Variants in APPBP2 observed in about 807,000 individuals in gnomAD.
APPBP2 encodes amyloid protein-binding protein 2.
APPBP2 carries 15 observed loss-of-function variants against 76.0 expected under a neutral mutation model. The ratio of observed to expected loss-of-function variants is 0.20; its 90% CI spans 0.13 to 0.30. APPBP2 has a LOEUF of 0.30. Among genes scored for constraint, APPBP2 ranks in the 10% least tolerant of loss-of-function variants. The probability of loss-of-function intolerance (pLI) is 1.00; values close to 1 mark genes in which losing one functional copy is unlikely to be tolerated. For missense variants in APPBP2, 401 were observed against 687.2 expected (o/e 0.58, Z 4.66); for synonymous variants, 222 against 242.2 (o/e 0.92, Z 0.77).
intron 1 of APPBP2, among the ~76,000 whole-genome samples, chr17:60,523,122 T>C (rs190879897): frequency 1.3e-5 from 2 of 152,122 alleles, no homozygotes; most frequent in African/African-American, 4.8e-5. Context: ...CTATGCCTAC[T>C]GATGGAAATT....
intron 9 of APPBP2, among the ~76,000 whole-genome samples, chr17:60,457,237 T>C (rs896455224): frequency 6.6e-6 from 1 of 152,180 alleles, no homozygotes; most frequent in East Asian, 1.9e-4. Flanking sequence ...ATGGCCCATA[T>C]CACCAAATAG....
At chr17:60,490,775 T>G (rs1221699588) in intron 3 of APPBP2, among the ~76,000 whole-genome samples, 2 of 152,160 alleles carry the variant, frequency 1.3e-5, no homozygotes, top group East Asian at 1.9e-4. Flanking sequence ...TCTCACGAGA[T>G]CTGATGGTTT....
rs7215536 is a variant in APPBP2, at chr17:60,461,584, T to G, written c.936+226A>C. The G allele has an allele frequency of 1.0e-5, 4 of 399,532 alleles. No homozygotes were observed. In the East Asian group the frequency reaches 1.5e-4, roughly 15 times the overall value. The allele number at this position is 399,532 out of a possible 1,614,324, so 24.7% of individuals were successfully genotyped here. Reference sequence around the variant, plus strand: ...AAAAATGGAAAACTACTCCCACATATGAGCTCACAACCCAATAATTCCTTT... The same window carrying G: ...AAAAATGGAAAACTACTCCCACATAGGAGCTCACAACCCAATAATTCCTTT... On this transcript the variant is annotated intron_variant, in intron 8 of 12. Transcript: ENST00000083182.
chr17:60,460,831 C>T (rs1223197958), intron 8 of APPBP2, 44 bp from the exon 9 acceptor site: 9 of 1,577,478 alleles, frequency 5.7e-6, no homozygotes, highest in Non-Finnish European at 7.8e-6. Context: ...TAGAAAATAC[C>T]ACCTAGTTAA....
intron 4 of APPBP2, among the ~76,000 whole-genome samples, chr17:60,471,766 G>A (rs73326480): frequency 0.082 from 12,510 of 152,018 alleles, 1,704 homozygotes; most frequent in African/African-American, 0.28. Flanking sequence ...AGAGATACTC[G>A]TCTGAAATTG....
chr17:60,520,563 ACTCTGTT>A, intron 1 of APPBP2, among the ~76,000 whole-genome samples: 1 of 137,160 alleles, frequency 7.3e-6, no homozygotes. Flanking sequence ...ACAGAACAAG[ACTCTGTT>A]AAAAAAAAAA....
At chr17:60,453,339 A>G (rs1312565950) in intron 11 of APPBP2, among the ~76,000 whole-genome samples, 1 of 151,866 alleles carries the variant, frequency 6.6e-6, no homozygotes, top group Non-Finnish European at 1.5e-5. Flanking sequence ...GCATGCCACC[A>G]TGCCTGGCTA....
chr17:60,466,932 C>T lies in APPBP2; in HGVS notation c.504-473G>A, dbSNP rs1415950721. On this transcript the variant is annotated intron_variant, in intron 4 of 12. Coordinates refer to ENST00000083182, the MANE Select transcript of APPBP2 (RefSeq NM_006380.5). ...ATTTTTTCCAATAAGATAAATTTAC[C>T]GAAAATAGCAGTAGTGTCAACTATT... Among the ~76,000 whole-genome samples the T allele has an allele frequency of 3.9e-5, 6 of 152,030 alleles. No homozygotes were observed. The South Asian group carries it at 6.2e-4, about 16-fold the overall frequency.
intron 2 of APPBP2, among the ~76,000 whole-genome samples, chr17:60,495,446 AT>A (rs1295800696): frequency 0.026 from 1,261 of 48,726 alleles, 10 homozygotes; most frequent in African/African-American, 0.085. Context: ...TTTATTATTT[AT>A]TTATTTATTT....
chr17:60,464,396 T>G (rs898417945), intron 5 of APPBP2, among the ~76,000 whole-genome samples: 7 of 152,226 alleles, frequency 4.6e-5, no homozygotes, highest in Non-Finnish European at 8.8e-5. Flanking sequence ...GCACATACTG[T>G]TCCCTCTGCC....
chr17:60,512,893 T>A (rs2143486722), intron 1 of APPBP2, among the ~76,000 whole-genome samples: 1 of 131,432 alleles, frequency 7.6e-6, no homozygotes. Flanking sequence ...GAATGCTGAA[T>A]ATCTAGTATA....
At chr17:60,519,766 T>C (rs1427303123) in intron 1 of APPBP2, among the ~76,000 whole-genome samples, 1 of 150,250 alleles carries the variant, frequency 6.7e-6, no homozygotes, top group Admixed American at 6.6e-5. Context: ...ATAATTTTAG[T>C]AGCCAAATTT....
At position 60,526,048 on chromosome 17, in the gene APPBP2, G is replaced by A. The variant is rs2091052497; in HGVS notation, c.-117C>T. 1.6e-5 allele frequency: 17 copies of A among 1,072,180 alleles called. No individual in the cohort carries two copies. Among genetic ancestry groups the A allele is most frequent in the Non-Finnish European group, 2.1e-5 (16 of 756,268 alleles). The allele number at this position is 1,072,180 out of a possible 1,614,324, so 66.4% of individuals were successfully genotyped here. A position where few individuals can be genotyped will look rare whatever the true frequency, so the allele number is the denominator to read the frequency against. On this transcript the variant is annotated 5_prime_UTR_variant, in exon 1 of 13. Transcript: ENST00000083182. ...TCGGAGGGGCGGTGGCAGCCACGCG[G>A]GCGCACGGCAGAAGGCACGGCCGCC...
rs1362257818 is a variant in APPBP2 at position 60,454,448 on chromosome 17, T to C, written c.1192A>G (p.Thr398Ala). Residue 398 changes from threonine to alanine, a missense_variant, in exon 11 of 13, where the codon ACT (threonine) becomes GCT (alanine). Coordinates refer to ENST00000083182, the MANE Select transcript of APPBP2 (RefSeq NM_006380.5). ...GCTTCTTGAAGCAGCCTCTGTTCAG[T>C]TTCCTTATTATGACAATCAATTGCA... ...EIAIDCHNKE[T>A]EQRLLQEAHD... 4 of 1,607,168 alleles carry C rather than the reference T, an allele frequency of 2.5e-6. No homozygotes were observed. The highest frequency in any genetic ancestry group is 2.2e-5 in the South Asian group (2 of 89,184).
chr17:60,463,790 A>G (rs747479362), intron 6 of APPBP2, among the ~76,000 whole-genome samples: 3 of 152,196 alleles, frequency 2.0e-5, no homozygotes, highest in Non-Finnish European at 4.4e-5. Context: ...CAATGATCAA[A>G]ATGAATTATT....
chr17:60,462,404 G>T, intron 6 of APPBP2: 1 of 202,142 alleles, frequency 4.9e-6, no homozygotes, highest in Non-Finnish European at 9.8e-6. Flanking sequence ...ATTTTCTAAG[G>T]TCCTTATATC....
At chr17:60,522,357 C>T (rs1262101893) in intron 1 of APPBP2, among the ~76,000 whole-genome samples, 3 of 152,162 alleles carry the variant, frequency 2.0e-5, no homozygotes, top group Admixed American at 2.0e-4. Flanking sequence ...GGATCTCCCT[C>T]TGTTGCCCAG....
chr17:60,456,238 T>TA (rs2143300774), intron 10 of APPBP2, 58 bp downstream of exon 10: 1 of 1,168,624 alleles, frequency 8.6e-7, no homozygotes, highest in East Asian at 2.4e-5. Context: ...CAAATACCCC[T>TA]ATTTTATACC....
intron 3 of APPBP2, among the ~76,000 whole-genome samples, chr17:60,487,035 G>T (rs2090685027): frequency 6.6e-6 from 1 of 152,164 alleles, no homozygotes; most frequent in Non-Finnish European, 1.5e-5. Context: ...ACTCTCTTCT[G>T]GCTTGTAGAG....
Sources: gnomAD v4.1 joint callset for allele counts (sites outside exome capture counted in the v4.1 genomes callset) on GRCh38, gnomAD v4.1.1 for gene constraint, MANE v1.5 for transcripts, NCBI Gene and HGNC (gene_info 2026-07-23, HGNC 2026-07-21) for gene names.